The following TRAPPC8 variants were observed in gnomAD, a reference collection of about 807,000 sequenced individuals.
TRAPPC8 encodes the protein trafficking protein particle complex subunit 8.
TRAPPC8 carries 54 observed loss-of-function variants against 174.3 expected under a neutral mutation model. The ratio of observed to expected loss-of-function variants is 0.31; its 90% confidence interval spans 0.25 to 0.39. The LOEUF (loss-of-function observed/expected upper bound fraction) is 0.39. Ranked by LOEUF, TRAPPC8 falls within the 10% of genes least tolerant of loss-of-function variation. The pLI is 1.00. For synonymous variants in TRAPPC8, 630 were observed against 579.9 expected (o/e 1.09, Z -1.24); for missense variants, 1,531 against 1,699.1 (o/e 0.90, Z 1.74).
chr18:31,842,669 G>A (rs1330492313), intron 26 of TRAPPC8, among the ~76,000 whole-genome samples: 2 of 152,180 alleles, frequency 1.3e-5, no homozygotes, highest in Non-Finnish European at 2.9e-5. Context: ...ATCCAAAGAT[G>A]CAAAATCTGA....
At chr18:31,832,267 TA>T in intron 27 of TRAPPC8, 94 bp from the exon 28 acceptor site, 1 of 513,756 alleles carries the variant, frequency 1.9e-6, no homozygotes, top group Non-Finnish European at 3.0e-6. Context: ...TAACAGAGCA[TA>T]AGCTCCTTAA....
At chr18:31,900,870 AAAG>A in intron 10 of TRAPPC8, 52 bp downstream of exon 10, 3 of 1,419,970 alleles carry the variant, frequency 2.1e-6, no homozygotes, top group South Asian at 1.3e-5. Context: ...AAAAAAAAAA[AAAG>A]AACAAACTGA....
chr18:31,888,629 A>G (rs973126553), intron 12 of TRAPPC8, among the ~76,000 whole-genome samples: 2 of 152,242 alleles, frequency 1.3e-5, no homozygotes, highest in Non-Finnish European at 2.9e-5. Context: ...GACATGGAGG[A>G]AGCTGGAAGC....
rs535407262 is a variant in TRAPPC8, at chr18:31,867,048, T to C, written c.2464-73A>G. ...AATAGCACAATACCTAATTCTATAATGTTGCAAAAACATAAACTCATGACC... is the reference window on the plus strand; with the variant it reads ...AATAGCACAATACCTAATTCTATAACGTTGCAAAAACATAAACTCATGACC... On this transcript the variant is annotated intron_variant, in intron 17 of 28. Coordinates refer to ENST00000283351, the MANE Select transcript of TRAPPC8 (RefSeq NM_014939.5). 4.1e-4 allele frequency: 618 copies of C among 1,501,508 alleles called. 9 individuals are homozygous for C. The South Asian group carries it at 7.3e-3, about 18-fold the overall frequency. The allele number at this position is 1,501,508 out of a possible 1,614,324, so 93.0% of individuals were successfully genotyped here.
chr18:31,839,852 G>A (rs1005069981), intron 26 of TRAPPC8, among the ~76,000 whole-genome samples: 6 of 152,210 alleles, frequency 3.9e-5, no homozygotes, highest in African/African-American at 1.4e-4. Context: ...TAGGACTGCA[G>A]ACATTCGATT....
At chr18:31,940,561 G>T (rs2038288604) in intron 1 of TRAPPC8, among the ~76,000 whole-genome samples, 1 of 152,060 alleles carries the variant, frequency 6.6e-6, no homozygotes, top group South Asian at 2.1e-4. Flanking sequence ...TTGTTTGGTT[G>T]GTTTTGAGAT....
chr18:31,886,404 T>A (rs570225933), intron 12 of TRAPPC8, among the ~76,000 whole-genome samples: 1 of 148,294 alleles, frequency 6.7e-6, no homozygotes, highest in African/African-American at 2.5e-5. Flanking sequence ...AGGAACACAG[T>A]ATTAAAAACT....
At chr18:31,877,246 C>T (rs2035201065) in intron 12 of TRAPPC8, among the ~76,000 whole-genome samples, 1 of 152,152 alleles carries the variant, frequency 6.6e-6, no homozygotes, top group Non-Finnish European at 1.5e-5. Flanking sequence ...AGAGGTTCTC[C>T]CTGCTGGGAG....
At chr18:31,893,584 T>C (rs1048827445) in intron 11 of TRAPPC8, among the ~76,000 whole-genome samples, 2 of 152,230 alleles carry the variant, frequency 1.3e-5, no homozygotes, top group African/African-American at 4.8e-5. Context: ...AATGATACCT[T>C]AATCATATGC....
chr18:31,880,983 G>A (rs568891617), intron 12 of TRAPPC8, among the ~76,000 whole-genome samples: 1 of 151,802 alleles, frequency 6.6e-6, no homozygotes, highest in East Asian at 1.9e-4. Flanking sequence ...ACTGATAAAA[G>A]AAAGTACAGA....
chr18:31,858,531 T>A (rs370996812), intron 19 of TRAPPC8, among the ~76,000 whole-genome samples: 1 of 152,184 alleles, frequency 6.6e-6, no homozygotes, highest in African/African-American at 2.4e-5. Flanking sequence ...CCTGACCTAA[T>A]AGAGGCTTTT....
rs933180081 is a variant in TRAPPC8, at chr18:31,888,389, C to T, written c.1728+2346G>A. On this transcript the variant is annotated intron_variant, in intron 12 of 28. Coordinates refer to ENST00000283351, the MANE Select transcript of TRAPPC8 (RefSeq NM_014939.5). ...TCTCTACTAAAAATACAGTATTAGCCGAGCATGGTGATGCATGCCTGTAAT... is the reference window on the plus strand; with the variant it reads ...TCTCTACTAAAAATACAGTATTAGCTGAGCATGGTGATGCATGCCTGTAAT... Among the ~76,000 whole-genome samples, 7 of 151,930 alleles carry T rather than the reference C, an allele frequency of 4.6e-5. No homozygotes were observed. The South Asian group carries it at 8.3e-4, about 18-fold the overall frequency.
intron 1 of TRAPPC8, among the ~76,000 whole-genome samples, chr18:31,935,548 T>TAAAAAAAAAAAAAAAAAAAAAAA (rs10650702): frequency 8.6e-5 from 4 of 46,284 alleles, no homozygotes; most frequent in Admixed American, 3.5e-4. Context: ...AACTCCATCT[T>TAAAAAAAAAAAAAAAAAAAAAAA]AAAAAAAAAA....
chr18:31,914,489 ACTAATT>A (rs1568130172), intron 4 of TRAPPC8, among the ~76,000 whole-genome samples: 2 of 152,206 alleles, frequency 1.3e-5, no homozygotes, highest in South Asian at 4.1e-4. Flanking sequence ...ACTGACAGAA[ACTAATT>A]CTAATAGTCA....
intron 4 of TRAPPC8, among the ~76,000 whole-genome samples, chr18:31,915,159 T>A (rs965325472): frequency 6.6e-6 from 1 of 152,278 alleles, no homozygotes; most frequent in East Asian, 1.9e-4. Context: ...AAAAGAAAGT[T>A]TGGGTAAGCA....
intron 12 of TRAPPC8, among the ~76,000 whole-genome samples, chr18:31,877,630 A>AG (rs2035225081): frequency 6.7e-6 from 1 of 149,086 alleles, no homozygotes; most frequent in Non-Finnish European, 1.5e-5. Flanking sequence ...AAAAAAAAAA[A>AG]GTGAGCCCAT....
intron 14 of TRAPPC8, among the ~76,000 whole-genome samples, chr18:31,871,860 A>T (rs948126313): frequency 5.4e-5 from 8 of 149,410 alleles, no homozygotes; most frequent in Non-Finnish European, 7.5e-5. Flanking sequence ...ATGACAATTT[A>T]AAAAAAAAAT....
chr18:31,942,348 C>T (rs868614878), intron 1 of TRAPPC8, among the ~76,000 whole-genome samples: 1 of 152,196 alleles, frequency 6.6e-6, no homozygotes, highest in African/African-American at 2.4e-5. Context: ...TTTATCTTTG[C>T]ACCAATTACT....
At chr18:31,831,457 T>C (rs1484627070) in intron 28 of TRAPPC8, among the ~76,000 whole-genome samples, 1 of 152,236 alleles carries the variant, frequency 6.6e-6, no homozygotes, top group Non-Finnish European at 1.5e-5. Context: ...ACAGCTAACA[T>C]TTATTATTTA....
Sources: allele counts gnomAD v4.1 joint callset (sites outside exome capture counted in the v4.1 genomes callset), GRCh38; gene constraint gnomAD v4.1.1; transcripts MANE v1.5; gene names NCBI Gene and HGNC (gene_info 2026-07-23, HGNC 2026-07-21).